IGSF21: variants seen among roughly 807,000 people sequenced by gnomAD.
IGSF21 encodes immunoglobin superfamily member 21, also known as immunoglobulin superfamily member 21.
IGSF21 carries 28 observed loss-of-function variants against 46.8 expected under a neutral mutation model. The observed-to-expected ratio is 0.60, with a 90% CI of 0.44 to 0.82. The LOEUF is 0.82. Among genes scored for constraint, IGSF21 ranks in the 40% least tolerant of loss-of-function variants. IGSF21 has a pLI of 0.00. For synonymous variants in IGSF21, 284 were observed against 273.6 expected (o/e 1.04, Z -0.38); for missense variants, 624 against 665.5 (o/e 0.94, Z 0.69).
chr1:18,188,630 T>TA (rs1435145017), intron 1 of IGSF21, among the ~76,000 whole-genome samples: 1 of 152,106 alleles, frequency 6.6e-6, no homozygotes, highest in Non-Finnish European at 1.5e-5. Flanking sequence ...CTTCACTGGG[T>TA]AACCTGGTGC....
chr1:18,374,714 G>A (rs1557667165), intron 6 of IGSF21, among the ~76,000 whole-genome samples: 2 of 152,174 alleles, frequency 1.3e-5, no homozygotes, highest in African/African-American at 2.4e-5. Flanking sequence ...GAAATTGGCA[G>A]TGCCTGGGAG....
intron 2 of IGSF21, among the ~76,000 whole-genome samples, chr1:18,258,386 A>G (rs1304242515): frequency 2.0e-5 from 3 of 152,212 alleles, no homozygotes; most frequent in Non-Finnish European, 4.4e-5. Context: ...GGTAAGGTGG[A>G]CCCTGTAGCC....
At chr1:18,210,624 C>T (rs531723296) in intron 1 of IGSF21, among the ~76,000 whole-genome samples, 1 of 152,258 alleles carries the variant, frequency 6.6e-6, no homozygotes, top group South Asian at 2.1e-4. Flanking sequence ...ACCTTTATTG[C>T]AGGGTGTCTC....
At chr1:18,282,063 G>C (rs929417482) in intron 2 of IGSF21, among the ~76,000 whole-genome samples, 1 of 152,162 alleles carries the variant, frequency 6.6e-6, no homozygotes, top group African/African-American at 2.4e-5. Context: ...AAATGGGACA[G>C]TCAAGGGCGC....
At chr1:18,338,757 T>A (rs1044989657) in intron 4 of IGSF21, among the ~76,000 whole-genome samples, 1 of 152,208 alleles carries the variant, frequency 6.6e-6, no homozygotes, top group Non-Finnish European at 1.5e-5. Context: ...CAAGGGTGTA[T>A]GCTGCACACG....
chr1:18,291,549 C>T (rs186016942), intron 2 of IGSF21, among the ~76,000 whole-genome samples: 27 of 152,338 alleles, frequency 1.8e-4, no homozygotes, highest in African/African-American at 6.5e-4. Flanking sequence ...CTTCTCATCC[C>T]ACTTCCTTTC....
chr1:18,167,476 C>T (rs1243190053), intron 1 of IGSF21, among the ~76,000 whole-genome samples: 1 of 152,080 alleles, frequency 6.6e-6, no homozygotes, highest in Admixed American at 6.6e-5. Flanking sequence ...TGCATGCACC[C>T]CCATGCTGGT....
At chr1:18,150,249 T>C (rs1373824301) in intron 1 of IGSF21, among the ~76,000 whole-genome samples, 2 of 152,072 alleles carry the variant, frequency 1.3e-5, no homozygotes, top group Non-Finnish European at 1.5e-5. Flanking sequence ...TGAAAGAGAA[T>C]TTAGGTTTTG....
chr1:18,269,884 C>T (rs1015163243), intron 2 of IGSF21, among the ~76,000 whole-genome samples: 9 of 152,196 alleles, frequency 5.9e-5, no homozygotes, highest in Non-Finnish European at 1.2e-4. Flanking sequence ...GTCCTTTTCC[C>T]TCTCTGGGCC....
At chr1:18,343,277 C>A (rs902408906) in intron 4 of IGSF21, among the ~76,000 whole-genome samples, 3 of 152,200 alleles carry the variant, frequency 2.0e-5, no homozygotes, top group Non-Finnish European at 4.4e-5. Flanking sequence ...AGCCTTTGGT[C>A]ATTTTCAATG....
chr1:18,186,407 A>T (rs1464960164), intron 1 of IGSF21, among the ~76,000 whole-genome samples: 3 of 152,172 alleles, frequency 2.0e-5, no homozygotes, highest in Non-Finnish European at 4.4e-5. Context: ...GGGCACCTGG[A>T]AATCACTCCT....
At chr1:18,143,146 T>C (rs1557555043) in intron 1 of IGSF21, among the ~76,000 whole-genome samples, 1 of 152,170 alleles carries the variant, frequency 6.6e-6, no homozygotes, top group Non-Finnish European at 1.5e-5. Context: ...TGGGCATCTG[T>C]AGAGGAGGAC....
chr1:18,187,330 T>A (rs1264699291), intron 1 of IGSF21, among the ~76,000 whole-genome samples: 1 of 152,184 alleles, frequency 6.6e-6, no homozygotes, highest in Non-Finnish European at 1.5e-5. Flanking sequence ...ATTAGTCCGT[T>A]TTCACTCTGC....
intron 3 of IGSF21, among the ~76,000 whole-genome samples, chr1:18,294,683 C>T (rs1214829918): frequency 1.3e-5 from 2 of 152,234 alleles, no homozygotes; most frequent in South Asian, 4.1e-4. Context: ...GGGCCAATCT[C>T]CCTGAGCCTC....
intron 2 of IGSF21, among the ~76,000 whole-genome samples, chr1:18,261,633 T>C (rs1245107743): frequency 6.6e-6 from 1 of 152,100 alleles, no homozygotes; most frequent in Non-Finnish European, 1.5e-5. Flanking sequence ...GCCTGTGGGG[T>C]AGCCCTGCCT....
chr1:18,122,193 CTTTTTT>C (rs766563472), intron 1 of IGSF21, among the ~76,000 whole-genome samples: 7 of 78,762 alleles, frequency 8.9e-5, no homozygotes, highest in African/African-American at 1.9e-4. Flanking sequence ...TTCTTTCTTT[CTTTTTT>C]TTTTTTTTTT....
intron 8 of IGSF21, 134 bp from the exon 9 acceptor site, chr1:18,377,259 C>G: frequency 1.1e-6 from 1 of 896,676 alleles, no homozygotes; most frequent in Non-Finnish European, 1.9e-6. Context: ...CTATCCAGCT[C>G]CCCTGAAGGT....
chr1:18,239,951 C>T (rs1177446418), intron 2 of IGSF21, among the ~76,000 whole-genome samples: 1 of 152,170 alleles, frequency 6.6e-6, no homozygotes, highest in East Asian at 1.9e-4. Context: ...CCAACTAGTG[C>T]CAAGCCTTGG....
chr1:18,359,165 T>C (rs1312921906), intron 4 of IGSF21, among the ~76,000 whole-genome samples: 1 of 151,170 alleles, frequency 6.6e-6, no homozygotes, highest in Non-Finnish European at 1.5e-5. Flanking sequence ...TCCCAGCTAC[T>C]TGAGAGGCCG....
Sources: gnomAD v4.1 joint callset for allele counts (sites outside exome capture counted in the v4.1 genomes callset) on GRCh38, gnomAD v4.1.1 for gene constraint, MANE v1.5 for transcripts, NCBI Gene and HGNC (gene_info 2026-07-23, HGNC 2026-07-21) for gene names.